The following TNRC6A variants were observed in gnomAD, a reference collection of about 807,000 sequenced individuals.
The protein encoded by TNRC6A is trinucleotide repeat containing adaptor 6A, also known as trinucleotide repeat-containing gene 6A protein.
A neutral mutation model predicts 221.2 loss-of-function variants in TNRC6A; 44 were observed. That is an observed-to-expected ratio of 0.20 (90% confidence interval 0.16 to 0.26). The LOEUF (loss-of-function observed/expected upper bound fraction) is 0.26, where lower values mean the gene tolerates loss of function less well. Among genes scored for constraint, TNRC6A ranks in the 10% least tolerant of loss-of-function variants. The pLI is 1.00. For missense variants in TNRC6A, 2,199 were observed against 2,404.4 expected, an observed-to-expected ratio of 0.91 and a Z score of 1.79; for synonymous variants, 847 against 838.5, an observed-to-expected ratio of 1.01 and a Z score of -0.18.
intron 4 of TNRC6A, among the ~76,000 whole-genome samples, chr16:24,768,677 A>G (rs2057527410): frequency 6.6e-6 from 1 of 152,212 alleles, no homozygotes; most frequent in Non-Finnish European, 1.5e-5. Context: ...TGTATATTTT[A>G]TAGGTGTTTA....
chr16:24,741,261 A>G (rs2056886279), intron 2 of TNRC6A, among the ~76,000 whole-genome samples: 1 of 152,150 alleles, frequency 6.6e-6, no homozygotes, highest in South Asian at 2.1e-4. Context: ...AGTCTTTATC[A>G]TTATGTATGT....
At chr16:24,795,344 A>T (rs1268681597) in intron 8 of TNRC6A, among the ~76,000 whole-genome samples, 1 of 151,694 alleles carries the variant, frequency 6.6e-6, no homozygotes, top group Non-Finnish European at 1.5e-5. Context: ...TCCTAAAGAA[A>T]CTCCTCAAAT....
chr16:24,719,187 C>A (rs2056368108), intron 2 of TNRC6A, among the ~76,000 whole-genome samples: 1 of 152,016 alleles, frequency 6.6e-6, no homozygotes, highest in Admixed American at 6.6e-5. Flanking sequence ...CAGATATGGC[C>A]TTTGCTCTCC....
chr16:24,651,451 T>A (rs1902644367), intron 2 of TNRC6A, among the ~76,000 whole-genome samples: 1 of 142,558 alleles, frequency 7.0e-6, no homozygotes, highest in South Asian at 2.2e-4. Context: ...GGCAGGAGAA[T>A]CGCCTGAACC....
intron 11 of TNRC6A, among the ~76,000 whole-genome samples, chr16:24,802,765 C>T (rs988982604): frequency 5.3e-5 from 8 of 152,106 alleles, no homozygotes; most frequent in African/African-American, 1.9e-4. Flanking sequence ...CTTTGTCAGC[C>T]GCAGAGTATC....
intron 12 of TNRC6A, 185 bp from the exon 13 acceptor site, chr16:24,804,520 C>T: frequency 1.8e-6 from 2 of 1,122,608 alleles, no homozygotes; most frequent in Non-Finnish European, 2.5e-6. Flanking sequence ...CTTCTTAATC[C>T]CATGAAATAT....
rs372496447 is a variant in TNRC6A at position 24,620,762 on chromosome 16, C to T, written n.276+10278C>T. On this transcript the variant is annotated intron_variant and non_coding_transcript_variant, in intron 1 of 2. Coordinates refer to the TNRC6A transcript ENST00000566108. ...GGCAGATGTTGCAGTGAGCCGAGAT[C>T]GTGCCATTGCATTCCAGCCTGGGCA... is the stretch of plus-strand genomic sequence containing the variant. 2.6e-5 allele frequency among the ~76,000 whole-genome samples: 4 copies of T among 151,682 alleles called. No individual in the cohort carries two copies. In the East Asian group the frequency reaches 5.8e-4, roughly 22 times the overall value.
At chr16:24,652,697 A>C (rs1902739637) in intron 2 of TNRC6A, among the ~76,000 whole-genome samples, 1 of 152,202 alleles carries the variant, frequency 6.6e-6, no homozygotes, top group African/African-American at 2.4e-5. Context: ...CAGCATATGA[A>C]AGACGGAATA....
At chr16:24,621,079 GTC>G (rs1900646950) in intron 1 of TNRC6A, among the ~76,000 whole-genome samples, 1 of 93,936 alleles carries the variant, frequency 1.1e-5, no homozygotes. Flanking sequence ...GCAAGACGCC[GTC>G]TCAAAAAAAA....
In TNRC6A at chr16:24,781,043, C is replaced by CTTTTTTTTTTTTTTTT. The variant is rs35502747; in HGVS notation, c.589+3695_589+3710dup. On this transcript the variant is annotated intron_variant, in intron 5 of 24. Transcript: ENST00000395799. ...AAAAATTTTCTTAAGCCTCCATACT[C>CTTTTTTTTTTTTTTTT]TTTTTTTTTTTTTTTTTTTTTTTTT... Among the ~76,000 whole-genome samples the CTTTTTTTTTTTTTTTT allele has an allele frequency of 8.0e-4, 43 of 53,426 alleles. 4 individuals are homozygous for CTTTTTTTTTTTTTTTT. The highest frequency in any genetic ancestry group is 3.6e-3 in the African/African-American group (41 of 11,320). 35.0% of individuals were successfully genotyped at this position (53,426 alleles called of 152,430 possible).
chr16:24,731,784 G>T (rs2056649641), intron 2 of TNRC6A, among the ~76,000 whole-genome samples: 1 of 152,196 alleles, frequency 6.6e-6, no homozygotes, highest in Admixed American at 6.5e-5. Context: ...CTCGAGTCTG[G>T]GTTGGCTATT....
rs35913858 is a variant in TNRC6A, at chr16:24,824,769, T to TAA, written c.*978_*979dup. On this transcript the variant is annotated 3_prime_UTR_variant, in exon 25 of 25. Transcript: ENST00000395799. ...TCTCAGGAAAACCAGTTCCCCAGTTTAAAAAAAAAAAAAAAAATTCCTTGT... is the reference window on the plus strand; with the variant it reads ...TCTCAGGAAAACCAGTTCCCCAGTTTAAAAAAAAAAAAAAAAAAATTCCTTGT... 15,205 of 135,508 alleles carry TAA rather than the reference T, an allele frequency of 0.11. 1,858 individuals are homozygous for TAA. Among genetic ancestry groups the TAA allele is most frequent in the East Asian group, 0.36 (1,709 of 4,812 alleles). The allele number at this position is 135,508 out of a possible 1,614,324, so 8.4% of individuals were successfully genotyped here. A position where few individuals can be genotyped will look rare whatever the true frequency, so the allele number is the denominator to read the frequency against.
intron 1 of TNRC6A, among the ~76,000 whole-genome samples, chr16:24,634,036 C>T (rs1011654462): frequency 2.0e-5 from 3 of 152,048 alleles, no homozygotes; most frequent in African/African-American, 7.2e-5. Context: ...CCCGCTTCAG[C>T]CCCCCAAAGT....
chr16:24,702,603 A>G (rs2056008904), intron 2 of TNRC6A, among the ~76,000 whole-genome samples: 1 of 152,106 alleles, frequency 6.6e-6, no homozygotes, highest in African/African-American at 2.4e-5. Flanking sequence ...CACATACCCT[A>G]CAATTCACAC....
At chr16:24,731,815 C>T (rs569137579) in intron 2 of TNRC6A, among the ~76,000 whole-genome samples, 1 of 152,334 alleles carries the variant, frequency 6.6e-6, no homozygotes. Flanking sequence ...TGAATTCCAG[C>T]TCTGCTACTT....
chr16:24,627,192 G>GGGCT (rs1901064122), intron 1 of TNRC6A, among the ~76,000 whole-genome samples: 1 of 152,064 alleles, frequency 6.6e-6, no homozygotes, highest in African/African-American at 2.4e-5. Context: ...CTAGCTTGGA[G>GGGCT]GGCTACACAT....
rs142563405 is a variant in TNRC6A at position 24,657,254 on chromosome 16, G to C, written n.402+16245G>C. 3.5e-5 allele frequency among the ~76,000 whole-genome samples: 5 copies of C among 143,704 alleles called. No individual in the cohort carries two copies. The East Asian group carries it at 8.4e-4, about 24-fold the overall frequency. The allele number at this position is 143,704 out of a possible 152,430, so 94.3% of individuals were successfully genotyped here. On this transcript the variant is annotated intron_variant and non_coding_transcript_variant, in intron 2 of 2. Coordinates refer to the TNRC6A transcript ENST00000566108. ...GATTGATTGAGCCTGGGAGGTCAAGGCTACAGTGAGCAATGGTCACACCAC... is the reference window on the plus strand; with the variant it reads ...GATTGATTGAGCCTGGGAGGTCAAGCCTACAGTGAGCAATGGTCACACCAC...
chr16:24,707,777 G>A (rs2056124985), intron 2 of TNRC6A, among the ~76,000 whole-genome samples: 1 of 152,132 alleles, frequency 6.6e-6, no homozygotes, highest in African/African-American at 2.4e-5. Flanking sequence ...TGGCCACAAT[G>A]GGCCAGTGCG....
chr16:24,734,735 T>TA (rs1596570355), intron 2 of TNRC6A, among the ~76,000 whole-genome samples: 1 of 152,396 alleles, frequency 6.6e-6, no homozygotes, highest in East Asian at 1.9e-4. Context: ...TCTCCTTTTT[T>TA]ATTCTAAAAG....
Sources: allele counts gnomAD v4.1 joint callset (sites outside exome capture counted in the v4.1 genomes callset), GRCh38; gene constraint gnomAD v4.1.1; transcripts MANE v1.5; gene names NCBI Gene and HGNC (gene_info 2026-07-23, HGNC 2026-07-21).